Variants in SLC4A4 observed in about 807,000 individuals in gnomAD.
SLC4A4 encodes solute carrier family 4 member 4.
Under a neutral mutation model 111.5 loss-of-function variants are expected in SLC4A4, and 27 were observed. The ratio of observed to expected loss-of-function variants is 0.24; its 90% CI spans 0.18 to 0.33. The LOEUF is 0.33. Among genes scored for constraint, SLC4A4 ranks in the 10% least tolerant of loss-of-function variants. SLC4A4 has a pLI of 1.00. For synonymous variants in SLC4A4, 443 were observed against 463.4 expected, an observed-to-expected ratio of 0.96 and a Z score of 0.57; for missense variants, 909 against 1,315.5, an observed-to-expected ratio of 0.69 and a Z score of 4.78.
At chr4:71,472,377 A>C (rs778239818) in intron 13 of SLC4A4, among the ~76,000 whole-genome samples, 2 of 151,980 alleles carry the variant, frequency 1.3e-5, no homozygotes, top group African/African-American at 2.4e-5. Flanking sequence ...TACCAGTGCT[A>C]TGCTTGCAAA....
rs986243733 is a variant in SLC4A4, at chr4:71,163,353, T to C, written c.-2+70561T>C. ...ATTTAGATGTATCTGTACAAAGTAA[T>C]AGACTGCTTTGCTAGATATTCTAGT... On this transcript the variant is annotated intron_variant, in intron 2 of 26. Coordinates refer to the SLC4A4 transcript ENST00000649996. Among the ~76,000 whole-genome samples the C allele has an allele frequency of 1.3e-4, 20 of 152,232 alleles. No individual in the cohort carries two copies. The East Asian group carries it at 3.8e-3, about 29-fold the overall frequency.
chr4:71,390,177 G>A (rs1372230524), intron 6 of SLC4A4, among the ~76,000 whole-genome samples: 1 of 152,034 alleles, frequency 6.6e-6, no homozygotes, highest in African/African-American at 2.4e-5. Context: ...AAACTGGTCT[G>A]ACAGAAATCC....
chr4:71,196,675 A>T lies in SLC4A4; in HGVS notation c.-2+9274A>T, dbSNP rs190008729. 6.1e-4 allele frequency among the ~76,000 whole-genome samples: 93 copies of T among 151,640 alleles called. 1 individual carries two copies. The highest frequency in any genetic ancestry group is 1.9e-3 in the South Asian group (9 of 4,762). On this transcript the variant is annotated intron_variant, in intron 1 of 25. Transcript: ENST00000264485. ...TAATGGAGGGATACTTAGTATTTTT[A>T]AAATGTGTACTGGCTGGGTGCGGTG...
In SLC4A4 at chr4:71,504,863, G is replaced by C. The variant is rs10010810; in HGVS notation, c.2166+7171G>C. ...CCAGCATCCACTAGCTTTTCTTCCTGATTCTCTCCCTCTTCCCACCTCCCC... is the reference window on the plus strand; with the variant it reads ...CCAGCATCCACTAGCTTTTCTTCCTCATTCTCTCCCTCTTCCCACCTCCCC... On this transcript the variant is annotated intron_variant, in intron 16 of 25. Transcript: ENST00000264485. Among the ~76,000 whole-genome samples the C allele has an allele frequency of 7.1e-3, 1,084 of 151,986 alleles. 13 individuals carry two copies. Among genetic ancestry groups the C allele is most frequent in the African/African-American group, 0.025 (1,017 of 41,460 alleles).
At chr4:71,480,391 A>G (rs575544418) in intron 14 of SLC4A4, among the ~76,000 whole-genome samples, 1 of 151,686 alleles carries the variant, frequency 6.6e-6, no homozygotes, top group Admixed American at 6.6e-5. Flanking sequence ...AAAAAGAAAA[A>G]CTTACTACTG....
intron 3 of SLC4A4, among the ~76,000 whole-genome samples, chr4:71,267,441 T>A (rs1480404056): frequency 6.6e-6 from 1 of 151,960 alleles, no homozygotes; most frequent in African/African-American, 2.4e-5. Context: ...GCATGATGAG[T>A]ACAAGAGTGG....
chr4:71,232,700 T>C (rs1719517282), intron 1 of SLC4A4, among the ~76,000 whole-genome samples: 1 of 152,244 alleles, frequency 6.6e-6, no homozygotes. Flanking sequence ...GCTGAGCCAC[T>C]GTGTCAGCTT....
At chr4:71,071,125 G>A (rs1476060211) in intron 1 of SLC4A4, among the ~76,000 whole-genome samples, 2 of 151,954 alleles carry the variant, frequency 1.3e-5, no homozygotes, top group Non-Finnish European at 2.9e-5. Context: ...ACAAAAATTA[G>A]CTGACCACAG....
chr4:71,124,831 G>A (rs1349552715), intron 2 of SLC4A4, among the ~76,000 whole-genome samples: 2 of 152,186 alleles, frequency 1.3e-5, no homozygotes, highest in Admixed American at 6.5e-5. Context: ...ATTGGCCTAG[G>A]CAAGAATGTA....
At chr4:71,467,831 T>C (rs2149101226) in intron 13 of SLC4A4, among the ~76,000 whole-genome samples, 1 of 152,246 alleles carries the variant, frequency 6.6e-6, no homozygotes, top group Admixed American at 6.5e-5. Context: ...CAGATCTCAA[T>C]CCTTAGGTAG....
chr4:71,566,676 A>G (rs1437604904), intron 24 of SLC4A4, among the ~76,000 whole-genome samples: 1 of 151,796 alleles, frequency 6.6e-6, no homozygotes, highest in Non-Finnish European at 1.5e-5. Context: ...CAGCAGGCAA[A>G]CCTAGGAATA....
At chr4:71,306,387 C>T (rs1041144237) in intron 3 of SLC4A4, among the ~76,000 whole-genome samples, 4 of 152,124 alleles carry the variant, frequency 2.6e-5, no homozygotes, top group Non-Finnish European at 4.4e-5. Flanking sequence ...TTGAGACCAT[C>T]CTGGCCAACA....
chr4:71,101,075 C>T (rs549641903), intron 2 of SLC4A4, among the ~76,000 whole-genome samples: 7 of 151,958 alleles, frequency 4.6e-5, no homozygotes, highest in African/African-American at 9.6e-5. Flanking sequence ...CTGGCTAACA[C>T]GGTGAAACCC....
intron 3 of SLC4A4, among the ~76,000 whole-genome samples, chr4:71,336,582 T>G (rs1406412985): frequency 6.7e-6 from 1 of 149,182 alleles, no homozygotes; most frequent in Non-Finnish European, 1.5e-5. Context: ...AGAGCATGCA[T>G]TTTTTTTCAA....
chr4:71,255,268 G>C lies in SLC4A4; in HGVS notation c.122G>C (p.Arg41Thr). ...IGVHVPKSYRRRRRHKRKTGH... is the reference protein window; with the variant it reads ...IGVHVPKSYRTRRRHKRKTGH... ...GTCCATGTGCCGAAGAGTTACAGGA[G>C]AAGGAGACGTCACAAGAGAAAGACA... The change falls in exon 3 of 26, where the codon AGA (arginine) becomes ACA (threonine). Residue 41 changes from arginine to threonine, a missense_variant. Transcript: ENST00000264485. 6.2e-7 allele frequency: 1 copy of C among 1,613,452 alleles called. No individual in the cohort carries two copies. The highest frequency in any genetic ancestry group is 8.5e-7 in the Non-Finnish European group (1 of 1,179,540).
At chr4:71,344,216 G>A (rs552360845) in intron 4 of SLC4A4, among the ~76,000 whole-genome samples, 1 of 152,262 alleles carries the variant, frequency 6.6e-6, no homozygotes, top group East Asian at 1.9e-4. Flanking sequence ...AACAAAGACT[G>A]GTTAATAGAA....
At chr4:71,344,068 C>T (rs1350145777) in intron 4 of SLC4A4, among the ~76,000 whole-genome samples, 1 of 152,070 alleles carries the variant, frequency 6.6e-6, no homozygotes, top group Non-Finnish European at 1.5e-5. Context: ...TCCTTAGCAC[C>T]TGTCATCATT....
intron 9 of SLC4A4, among the ~76,000 whole-genome samples, chr4:71,448,148 C>T (rs574656669): frequency 2.6e-5 from 4 of 151,786 alleles, no homozygotes; most frequent in Admixed American, 1.3e-4. Flanking sequence ...GGTGAAAACC[C>T]GTTTCTACTA....
intron 2 of SLC4A4, among the ~76,000 whole-genome samples, chr4:71,153,809 C>T (rs1045684917): frequency 3.3e-5 from 5 of 152,164 alleles, no homozygotes; most frequent in African/African-American, 1.2e-4. Flanking sequence ...AGGACTTCTA[C>T]TCATTCTCTC....
Sources: allele counts gnomAD v4.1 joint callset (sites outside exome capture counted in the v4.1 genomes callset), GRCh38; gene constraint gnomAD v4.1.1; transcripts MANE v1.5; gene names NCBI Gene and HGNC (gene_info 2026-07-23, HGNC 2026-07-21).